The following MBTPS1 variants were observed in gnomAD, a reference collection of about 807,000 sequenced individuals.
MBTPS1 encodes membrane bound transcription factor peptidase, site 1.
MBTPS1 carries 94 observed loss-of-function variants against 127.8 expected under a neutral mutation model. That is an observed-to-expected ratio of 0.74 (90% CI 0.62 to 0.87). The LOEUF (loss-of-function observed/expected upper bound fraction) is 0.87. Among genes scored for constraint, MBTPS1 ranks in the 40% least tolerant of loss-of-function variants. MBTPS1 has a pLI of 0.00. For missense variants in MBTPS1, 1,636 were observed against 1,353.2 expected (o/e 1.21, Z -3.28); for synonymous variants, 632 against 509.4 (o/e 1.24, Z -3.24).
At chr16:84,089,871 A>G (rs994019202) in intron 8 of MBTPS1, among the ~76,000 whole-genome samples, 3 of 152,242 alleles carry the variant, frequency 2.0e-5, no homozygotes, top group African/African-American at 7.2e-5. Flanking sequence ...TGGGAGGAAC[A>G]TTTAAAAGGG....
intron 11 of MBTPS1, among the ~76,000 whole-genome samples, chr16:84,077,386 G>A (rs2085875220): frequency 6.6e-6 from 1 of 152,150 alleles, no homozygotes; most frequent in Non-Finnish European, 1.5e-5. Context: ...TGTGGTACCA[G>A]TACATGGACA....
Position 84,069,879 on chromosome 16 carries a change from C to G in MBTPS1, c.1942G>C (p.Asp648His). ...FPRDNLRMKNDPLDWNGDHIH... is the reference protein window; with the variant it reads ...FPRDNLRMKNHPLDWNGDHIH... ...TGAGGTGCTTACCAGTCTAAAGGGT[C>G]ATTCTTCATCCTTAAATTATCCCTG... is the stretch of plus-strand genomic sequence containing the variant. Residue 648 changes from aspartate to histidine, a missense_variant, in exon 14 of 23, where the codon GAC (aspartate) becomes CAC (histidine). By Grantham distance (81) the Asp-to-His change is moderately conservative (BLOSUM62 -1). Coordinates refer to ENST00000343411, the MANE Select transcript of MBTPS1 (RefSeq NM_003791.4). 4 of 1,613,860 alleles carry G rather than the reference C, an allele frequency of 2.5e-6. No homozygotes were observed. The highest frequency in any genetic ancestry group is 3.4e-6 in the Non-Finnish European group (4 of 1,179,956).
At chr16:84,067,547 T>G in intron 16 of MBTPS1, 120 bp downstream of exon 16, 1 of 797,178 alleles carries the variant, frequency 1.3e-6, no homozygotes, top group Non-Finnish European at 2.0e-6. Context: ...TCAAGCTCTC[T>G]GAATGTGTCT....
chr16:84,113,976 C>CCT (rs2086434002), intron 1 of MBTPS1, among the ~76,000 whole-genome samples: 1 of 76,222 alleles, frequency 1.3e-5, no homozygotes. Context: ...TTTTTTTTTT[C>CCT]TTTTTTTGAG....
rs144391335 is a variant in MBTPS1, at chr16:84,108,639, CAAG to C, written c.-324-6535_-324-6533del. 4.6e-5 allele frequency among the ~76,000 whole-genome samples: 7 copies of C among 152,284 alleles called. 1 individual carries two copies. Among genetic ancestry groups the C allele is most frequent in the Non-Finnish European group, 8.8e-5 (6 of 68,034 alleles). On this transcript the variant is annotated intron_variant, in intron 1 of 22. Transcript: ENST00000343411. The stretch of plus-strand genomic sequence containing the variant: ...CCTTCCTGAAGAATTCTGCTGAAGA[CAAG>C]AAGGCAGGCGTTCATGGGAGAATGG...
At chr16:84,063,522 C>A (rs1014920849) in intron 18 of MBTPS1, 77 bp from the exon 19 acceptor site, 2 of 1,364,526 alleles carry the variant, frequency 1.5e-6, no homozygotes, top group Non-Finnish European at 2.0e-6. Flanking sequence ...ATTTCATCCA[C>A]GTGACAAATA....
At chr16:84,087,663 T>A (rs1016148989) in intron 8 of MBTPS1, among the ~76,000 whole-genome samples, 2 of 152,084 alleles carry the variant, frequency 1.3e-5, no homozygotes, top group Admixed American at 1.3e-4. Context: ...TGTGCTCACA[T>A]TACGCCCTCT....
intron 1 of MBTPS1, among the ~76,000 whole-genome samples, chr16:84,105,246 G>C (rs759838062): frequency 3.9e-5 from 6 of 152,152 alleles, no homozygotes; most frequent in Non-Finnish European, 8.8e-5. Context: ...TCATTCATTA[G>C]ATCAGGCAAT....
intron 3 of MBTPS1, among the ~76,000 whole-genome samples, chr16:84,097,531 T>C (rs2151166093): frequency 6.6e-6 from 1 of 152,316 alleles, no homozygotes; most frequent in South Asian, 2.1e-4. Context: ...ATGGTGTCCA[T>C]GGGAATCCCA....
rs150808099 is a variant in MBTPS1 at position 84,059,307 on chromosome 16, C to A, written c.2826G>T (p.Ala942=). 2.2e-5 allele frequency: 35 copies of A among 1,613,168 alleles called. No individual in the cohort carries two copies. In the South Asian group the frequency reaches 3.7e-4, roughly 17 times the overall value. Residue 942 remains alanine (A), a synonymous_variant, in exon 21 of 23, where the codon GCG becomes GCT. Transcript: ENST00000343411. ...GGGCACAGGCGGACACTAACCTGGG[C>A]GCCGTCTCGTTTAAAGGCTGTGGCT... ...WAKPQPLNET[A]PSNLWKHQKL... is the part of the protein sequence containing the mutation.
intron 3 of MBTPS1, among the ~76,000 whole-genome samples, chr16:84,096,789 T>A: frequency 6.6e-6 from 1 of 152,214 alleles, no homozygotes; most frequent in Non-Finnish European, 1.5e-5. Flanking sequence ...GAAATTCCTC[T>A]GCTGAGTCTG....
chr16:84,112,660 T>TG (rs1279940273), intron 1 of MBTPS1, among the ~76,000 whole-genome samples: 6 of 73,782 alleles, frequency 8.1e-5, no homozygotes, highest in Non-Finnish European at 1.6e-4. Context: ...AGACTCGGTC[T>TG]CAAAAAAAAC....
At chr16:84,081,684 G>C (rs929682277) in intron 11 of MBTPS1, 63 bp downstream of exon 11, 5 of 1,229,048 alleles carry the variant, frequency 4.1e-6, no homozygotes, top group Non-Finnish European at 5.3e-6. Flanking sequence ...TTTGTGCAGA[G>C]GGAAAATTCG....
chr16:84,069,046 T>C (rs1281879528), intron 14 of MBTPS1, among the ~76,000 whole-genome samples: 1 of 152,144 alleles, frequency 6.6e-6, no homozygotes, highest in East Asian at 1.9e-4. Flanking sequence ...TCTATGAACT[T>C]CCCACCACTT....
At chr16:84,116,066 C>T (rs1434133063) in intron 1 of MBTPS1, among the ~76,000 whole-genome samples, 1 of 152,136 alleles carries the variant, frequency 6.6e-6, no homozygotes, top group African/African-American at 2.4e-5. Flanking sequence ...GGATGAGTCT[C>T]CAGAATTCAA....
intron 9 of MBTPS1, chr16:84,085,899 G>C (rs1428457807): frequency 6.6e-6 from 1 of 152,022 alleles, no homozygotes; most frequent in Non-Finnish European, 1.5e-5. Flanking sequence ...AAAGTACACG[G>C]TATGAGTGGA....
At chr16:84,080,191 A>G (rs2085919865) in intron 11 of MBTPS1, among the ~76,000 whole-genome samples, 1 of 152,222 alleles carries the variant, frequency 6.6e-6, no homozygotes, top group East Asian at 1.9e-4. Flanking sequence ...AGTAAAATAA[A>G]TATCTATGTG....
At chr16:84,102,582 A>C (rs1248305227) in intron 1 of MBTPS1, among the ~76,000 whole-genome samples, 3 of 152,312 alleles carry the variant, frequency 2.0e-5, no homozygotes, top group South Asian at 4.2e-4. Context: ...AAAGAGAAGA[A>C]GGCATCAGGA....
In MBTPS1 at chr16:84,054,376, C is replaced by A. The variant is rs960951825; in HGVS notation, c.*73G>T. The A allele has an allele frequency of 7.2e-7, 1 of 1,389,110 alleles. No individual in the cohort carries two copies. Among genetic ancestry groups the A allele is most frequent in the Admixed American group, 2.5e-5 (1 of 40,522 alleles). 86.0% of individuals were successfully genotyped at this position (1,389,110 alleles called of 1,614,324 possible). On this transcript the variant is annotated 3_prime_UTR_variant, in exon 23 of 23. Transcript: ENST00000343411. ...TGGATCCCTTTTAAACCAGCCGCCA[C>A]CACAGCTCGGCTCACCCACCAGCGC...
Sources: allele counts gnomAD v4.1 joint callset (sites outside exome capture counted in the v4.1 genomes callset), GRCh38; gene constraint gnomAD v4.1.1; transcripts MANE v1.5; gene names NCBI Gene and HGNC (gene_info 2026-07-23, HGNC 2026-07-21).